Variants in HERPUD2 observed in about 807,000 individuals in gnomAD.
HERPUD2 encodes the protein HERPUD family member 2, also known as homocysteine-responsive endoplasmic reticulum-resident ubiquitin-like domain member 2 protein.
A neutral mutation model predicts 49.9 loss-of-function variants in HERPUD2; 13 were observed. That is an observed-to-expected ratio of 0.26 (90% confidence interval 0.17 to 0.41). The LOEUF is 0.41. HERPUD2 is among the 10% of genes least tolerant of loss of function. The pLI is 1.00. For missense variants in HERPUD2, 449 were observed against 492.2 expected, an observed-to-expected ratio of 0.91 and a Z score of 0.83; for synonymous variants, 172 against 171.4, an observed-to-expected ratio of 1.00 and a Z score of -0.03.
rs1786263454 is a variant in HERPUD2 at position 35,694,216 on chromosome 7, T to C, written c.115A>G (p.Thr39Ala). 6.2e-7 allele frequency: 1 copy of C among 1,613,908 alleles called. No individual in the cohort carries two copies. The highest frequency in any genetic ancestry group is 1.7e-5 in the Admixed American group (1 of 60,006). The stretch of plus-strand genomic sequence containing the variant: ...CTAGGGTAAACGTTAGATAGATGCG[T>C]TTTTAGTTTCCCCACGGTCCAGTTC... The part of the protein sequence containing the change: ...FLNWTVGKLK[T>A]HLSNVYPSKP... The change falls in exon 2 of 9, where the codon ACG (threonine) becomes GCG (alanine). Residue 39 changes from threonine (T) to alanine (A), a missense_variant. Transcript: ENST00000311350.
At chr7:35,694,068 T>C (rs1364770625) in intron 2 of HERPUD2, 116 bp downstream of exon 2, 4 of 1,029,200 alleles carry the variant, frequency 3.9e-6, no homozygotes, top group Non-Finnish European at 4.4e-6. Flanking sequence ...TACCTCGCGG[T>C]CTACCAAAAG....
In HERPUD2 at chr7:35,694,241, C is replaced by G. The variant is rs769355003; in HGVS notation, c.90G>C (p.Leu30Phe). 19 of 1,613,956 alleles carry G rather than the reference C, an allele frequency of 1.2e-5. No homozygotes were observed. The highest frequency in any genetic ancestry group is 1.4e-5 in the Non-Finnish European group (16 of 1,180,026). The change falls in exon 2 of 9, where the codon TTG becomes TTC. Residue 30 changes from leucine (L) to phenylalanine (F), a missense_variant. Coordinates refer to ENST00000311350, the MANE Select transcript of HERPUD2 (RefSeq NM_022373.5). ...TTTTTAGTTTCCCCACGGTCCAGTT[C>G]AAGAAGCAGCTAATAGTCTGGTCAC... ...KYSDQTISCF[L>F]NWTVGKLKTH...
chr7:35,676,862 T>G (rs1785771319), intron 2 of HERPUD2, among the ~76,000 whole-genome samples: 1 of 152,192 alleles, frequency 6.6e-6, no homozygotes, highest in South Asian at 2.1e-4. Flanking sequence ...ATAACAAGAT[T>G]GTTACTAACA....
intron 5 of HERPUD2, among the ~76,000 whole-genome samples, chr7:35,642,842 A>T (rs1328159519): frequency 6.6e-6 from 1 of 152,154 alleles, no homozygotes; most frequent in Non-Finnish European, 1.5e-5. Context: ...TATCAGAAAA[A>T]ATAACTACTG....
intron 2 of HERPUD2, among the ~76,000 whole-genome samples, chr7:35,684,258 C>T (rs1217167168): frequency 8.5e-5 from 13 of 152,082 alleles, no homozygotes; most frequent in East Asian, 1.9e-4. Context: ...GGCATGGTGG[C>T]GGGAACCTGC....
At chr7:35,653,528 C>T (rs1238343045) in intron 5 of HERPUD2, among the ~76,000 whole-genome samples, 4 of 152,114 alleles carry the variant, frequency 2.6e-5, no homozygotes, top group African/African-American at 9.7e-5. Context: ...TAGAGAAACA[C>T]TGGATTCAAA....
rs575336427 is a variant in HERPUD2, at chr7:35,659,055, A to G, written c.494+8379T>C. On this transcript the variant is annotated intron_variant, in intron 5 of 8. Coordinates refer to ENST00000311350, the MANE Select transcript of HERPUD2 (RefSeq NM_022373.5). ...CTAAATATTGAGAACGCTAACCTAC[A>G]TGGTGGTAAACAACACATGCAGACT... Among the ~76,000 whole-genome samples the G allele has an allele frequency of 3.9e-5, 6 of 152,360 alleles. No homozygotes were observed. The South Asian group carries it at 1.0e-3, about 26-fold the overall frequency.
intron 2 of HERPUD2, among the ~76,000 whole-genome samples, chr7:35,678,644 A>G (rs1364987924): frequency 6.6e-6 from 1 of 152,190 alleles, no homozygotes; most frequent in African/African-American, 2.4e-5. Context: ...ACAAAAGGAA[A>G]TCTTTTAATT....
At position 35,670,319 on chromosome 7, in the gene HERPUD2, ACT is replaced by A; in HGVS notation, c.233_234del (p.Glu78ValfsTer23). The A allele has an allele frequency of 6.8e-7, 1 of 1,461,278 alleles. No individual in the cohort carries two copies. The highest frequency in any genetic ancestry group is 9.3e-7 in the Non-Finnish European group (1 of 1,080,996). 90.5% of individuals were successfully genotyped at this position (1,461,278 alleles called of 1,614,324 possible). On this transcript the variant is annotated frameshift_variant, in exon 4 of 9. Transcript: ENST00000311350. LOFTEE classifies it high-confidence loss of function. ...QLKDILRKQD[E>X]YHMVHLVCTS... is the part of the protein sequence containing the mutation. ...GTACATACTAGATGAACCATATGAT[ACT>A]CATCTTGCTAAAATTAAAGAAGATT... is the stretch of plus-strand genomic sequence containing the variant.
intron 5 of HERPUD2, among the ~76,000 whole-genome samples, chr7:35,665,272 C>T (rs1335024727): frequency 2.6e-5 from 4 of 152,210 alleles, no homozygotes; most frequent in South Asian, 2.1e-4. Flanking sequence ...CCACCCAGTT[C>T]GAGCTTCCTG....
chr7:35,661,037 T>C (rs1323011083), intron 5 of HERPUD2, among the ~76,000 whole-genome samples: 1 of 152,232 alleles, frequency 6.6e-6, no homozygotes, highest in Admixed American at 6.5e-5. Context: ...CTTTAATCCA[T>C]CTTGAATTAA....
chr7:35,681,516 T>C (rs767156563), intron 2 of HERPUD2, among the ~76,000 whole-genome samples: 4 of 152,128 alleles, frequency 2.6e-5, no homozygotes, highest in African/African-American at 9.7e-5. Context: ...TAAAAACTTG[T>C]ACAAGAATGT....
Position 35,694,427 on chromosome 7 carries a change from T to A in HERPUD2, c.-97A>T. ...GGCGCGACTGGGATGAGGACAGAAG[T>A]GAGTTCTTAGTATTCCGTGTCCAAG... is the stretch of plus-strand genomic sequence containing the variant. On this transcript the variant is annotated 5_prime_UTR_variant, in exon 2 of 9. Coordinates refer to ENST00000311350, the MANE Select transcript of HERPUD2 (RefSeq NM_022373.5). The A allele has an allele frequency of 7.9e-7, 1 of 1,260,902 alleles. No homozygotes were observed. Among genetic ancestry groups the A allele is most frequent in the Non-Finnish European group, 1.1e-6 (1 of 872,078 alleles). 78.1% of individuals were successfully genotyped at this position (1,260,902 alleles called of 1,614,324 possible). A position where few individuals can be genotyped will look rare whatever the true frequency, so the allele number is the denominator to read the frequency against.
chr7:35,657,706 G>A (rs1401758787), intron 5 of HERPUD2, among the ~76,000 whole-genome samples: 4 of 149,462 alleles, frequency 2.7e-5, no homozygotes, highest in Admixed American at 1.3e-4. Context: ...TCAGGAGATC[G>A]AGACCATCCT....
At chr7:35,636,530 T>A (rs1392073798) in intron 6 of HERPUD2, among the ~76,000 whole-genome samples, 2 of 152,192 alleles carry the variant, frequency 1.3e-5, no homozygotes, top group East Asian at 3.8e-4. Context: ...GCCCCCCTTA[T>A]CTTACACAGT....
At chr7:35,688,108 T>C (rs1334727810) in intron 2 of HERPUD2, among the ~76,000 whole-genome samples, 2 of 152,170 alleles carry the variant, frequency 1.3e-5, no homozygotes, top group African/African-American at 4.8e-5. Context: ...TACTTACATA[T>C]AGTTCAGTCA....
chr7:35,686,047 T>A (rs1204193518), intron 2 of HERPUD2, among the ~76,000 whole-genome samples: 1 of 152,102 alleles, frequency 6.6e-6, no homozygotes, highest in East Asian at 1.9e-4. Context: ...AATAATCAAC[T>A]GAATTTTCAA....
Position 35,635,293 on chromosome 7 carries a change from T to C in HERPUD2, c.783A>G (p.Ala261=). 1 of 1,614,170 alleles carries C rather than the reference T, an allele frequency of 6.2e-7. No homozygotes were observed. The highest frequency in any genetic ancestry group is 8.5e-7 in the Non-Finnish European group (1 of 1,180,028). Residue 261 remains alanine, a synonymous_variant, in exon 7 of 9, where the codon GCA becomes GCG. Transcript: ENST00000311350. The part of the protein sequence containing the change: ...RPMNENVQMN[A]QGGPVLNEED... The stretch of plus-strand genomic sequence containing the variant: ...CTTCATTTAGTACTGGACCTCCCTG[T>C]GCATTCATTTGAACATTCTCATTCA...
At chr7:35,657,601 C>G (rs1325274513) in intron 5 of HERPUD2, among the ~76,000 whole-genome samples, 7 of 94,564 alleles carry the variant, frequency 7.4e-5, no homozygotes, top group African/African-American at 3.5e-4. Context: ...AAGACCTTCT[C>G]TCAAAAAAAA....
Sources: allele counts gnomAD v4.1 joint callset (sites outside exome capture counted in the v4.1 genomes callset), GRCh38; gene constraint gnomAD v4.1.1; transcripts MANE v1.5; gene names NCBI Gene and HGNC (gene_info 2026-07-23, HGNC 2026-07-21).